CELF2: variants seen among roughly 807,000 people sequenced by gnomAD.
The protein encoded by CELF2 is CUGBP Elav-like family member 2, also known as CUG triplet repeat RNA-binding protein 2.
CELF2 carries 8 observed loss-of-function variants against 62.6 expected under a neutral mutation model. That is an observed-to-expected ratio of 0.13 (90% confidence interval 0.07 to 0.23). The LOEUF is 0.23. Among genes scored for constraint, CELF2 ranks in the 10% least tolerant of loss-of-function variants. CELF2 has a pLI of 1.00. For missense variants in CELF2, 333 were observed against 671.0 expected, an observed-to-expected ratio of 0.50 and a Z score of 5.56; for synonymous variants, 258 against 250.0, an observed-to-expected ratio of 1.03 and a Z score of -0.30.
At chr10:11,205,817 C>G (rs534676313) in intron 2 of CELF2, among the ~76,000 whole-genome samples, 1 of 152,164 alleles carries the variant, frequency 6.6e-6, no homozygotes, top group Non-Finnish European at 1.5e-5. Flanking sequence ...CAGCTATTGC[C>G]GGAGTGGGGT....
chr10:10,881,014 G>C (rs2093623), intron 1 of CELF2, among the ~76,000 whole-genome samples: 1 of 151,826 alleles, frequency 6.6e-6, no homozygotes, highest in Non-Finnish European at 1.5e-5. Context: ...CATGTCACAT[G>C]GAATTCCAGA....
intron 1 of CELF2, among the ~76,000 whole-genome samples, chr10:11,107,489 A>G (rs2053830906): frequency 6.6e-6 from 1 of 152,120 alleles, no homozygotes; most frequent in South Asian, 2.1e-4. Context: ...AGGAATGGCA[A>G]CATTGTCCAC....
intron 3 of CELF2, among the ~76,000 whole-genome samples, chr10:11,225,183 G>A (rs1056540530): frequency 6.6e-6 from 1 of 152,128 alleles, no homozygotes; most frequent in African/African-American, 2.4e-5. Context: ...AGAGATGAAA[G>A]AATAAACAGT....
the CELF2 span, among the ~76,000 whole-genome samples, chr10:10,678,352 A>C: frequency 6.6e-6 from 1 of 152,092 alleles, no homozygotes; most frequent in African/African-American, 2.4e-5. Flanking sequence ...CAGATTTGTC[A>C]GATAGTAAGC....
At chr10:11,105,699 C>G (rs924545100) in intron 1 of CELF2, among the ~76,000 whole-genome samples, 29 of 152,226 alleles carry the variant, frequency 1.9e-4, no homozygotes, top group African/African-American at 7.0e-4. Flanking sequence ...CCAGGTCATT[C>G]TGCAGCTGTG....
rs1428325309 is a variant in CELF2 at position 11,069,923 on chromosome 10, G to GAT, written c.74+51765_74+51766dup. ...ACCTAGAGTTAGCATTTGTAAGGTG[G>GAT]ATATATTCCAGCTTCATTCAGGACA... is the stretch of plus-strand genomic sequence containing the variant. On this transcript the variant is annotated intron_variant, in intron 1 of 12. Transcript: ENST00000633077. 8.5e-5 allele frequency among the ~76,000 whole-genome samples: 13 copies of GAT among 152,292 alleles called. No homozygotes were observed. In the East Asian group the frequency reaches 1.7e-3, roughly 20 times the overall value.
rs555649892 is a variant in CELF2, at chr10:10,901,525, A to G, written c.54-18439A>G. 4.4e-4 allele frequency among the ~76,000 whole-genome samples: 67 copies of G among 152,338 alleles called. 1 individual carries two copies. The highest frequency in any genetic ancestry group is 1.2e-3 in the Admixed American group (18 of 15,302). ...ATTTTAATATTAACTCACTATGGTCACAGACCTAACATAAGGCTTCACATT... is the reference window on the plus strand; with the variant it reads ...ATTTTAATATTAACTCACTATGGTCGCAGACCTAACATAAGGCTTCACATT... On this transcript the variant is annotated intron_variant, in intron 1 of 13. Transcript: ENST00000636488.
At chr10:11,009,011 G>GCT (rs1302624405) in intron 1 of CELF2, among the ~76,000 whole-genome samples, 37 of 143,820 alleles carry the variant, frequency 2.6e-4, no homozygotes, top group African/African-American at 9.3e-4. Context: ...TTTGCGGGGG[G>GCT]GGGGGGGGAG....
intron 5 of CELF2, among the ~76,000 whole-genome samples, chr10:11,259,215 G>GAC (rs2079716929): frequency 6.6e-6 from 1 of 152,202 alleles, no homozygotes; most frequent in South Asian, 2.1e-4. Flanking sequence ...AGTTTGACCT[G>GAC]ACTTCAGCAC....
Position 11,018,144 on chromosome 10 carries a change from C to G in CELF2, c.55C>G (p.Leu19Val), listed in dbSNP as rs1323284909. The G allele has an allele frequency of 6.6e-7, 1 of 1,523,442 alleles. No individual in the cohort carries two copies. The highest frequency in any genetic ancestry group is 8.8e-7 in the Non-Finnish European group (1 of 1,133,232). The allele number at this position is 1,523,442 out of a possible 1,614,324, so 94.4% of individuals were successfully genotyped here. ...CCCGGACATGATGGTCGAGGGCCGC[C>G]TGCTCGTTCCTGACAGAATGTGAGT... is the stretch of plus-strand genomic sequence containing the variant. ...FLPDMMVEGRLLVPDRINGTA... is the reference protein window; with the variant it reads ...FLPDMMVEGRVLVPDRINGTA... The change falls in exon 1 of 13, where the codon CTG (leucine) becomes GTG (valine). Residue 19 changes from leucine to valine, a missense_variant. Leu to Val is a conservative substitution (Grantham distance 32). Around this residue, in one of 3 missense-constraint regions of CELF2, gnomAD observed 45 missense variants for 39.8 expected, o/e 1.13. Transcript: ENST00000633077.
chr10:10,643,659 T>C, the CELF2 span, among the ~76,000 whole-genome samples: 1 of 152,222 alleles, frequency 6.6e-6, no homozygotes, highest in Non-Finnish European at 1.5e-5. Context: ...TCATTTATAA[T>C]GGAGGTTATA....
rs1216082824 is a variant in CELF2, at chr10:10,942,959, AG to A, written c.89+22964del. On this transcript the variant is annotated intron_variant, in intron 2 of 13. Transcript: ENST00000636488. ...CAAAAAGGAACCAGAGTTTAAGCCA[AG>A]GGGAAGCTCAGGGCAGGACCCACAA... Among the ~76,000 whole-genome samples, 13 of 152,332 alleles carry A rather than the reference AG, an allele frequency of 8.5e-5. No homozygotes were observed. In the East Asian group the frequency reaches 9.6e-4, roughly 11 times the overall value.
Position 11,224,689 on chromosome 10 carries a change from A to G in CELF2, c.354+7182A>G, listed in dbSNP as rs1176856801. Among the ~76,000 whole-genome samples the G allele has an allele frequency of 2.0e-5, 3 of 152,196 alleles. No homozygotes were observed. The highest frequency in any genetic ancestry group is 7.2e-5 in the African/African-American group (3 of 41,448). ...GTTTCCATGAGAACTCATCTCTGAG[A>G]ATATCATATCTGGCTGGACAGATCT... On this transcript the variant is annotated intron_variant, in intron 3 of 12. Transcript: ENST00000633077. This position sits in a 1 kb window ranked among gnomAD's most constrained non-coding sequence, Gnocchi z 4.5.
intron 2 of CELF2, among the ~76,000 whole-genome samples, chr10:10,968,725 T>G (rs1190768247): frequency 7.0e-6 from 1 of 142,910 alleles, no homozygotes; most frequent in Non-Finnish European, 1.5e-5. Context: ...CTAAAAGTGG[T>G]GAAAAGAAAA....
chr10:10,850,577 T>A (rs958769100), intron 1 of CELF2, among the ~76,000 whole-genome samples: 2 of 152,182 alleles, frequency 1.3e-5, no homozygotes, highest in African/African-American at 4.8e-5. Flanking sequence ...ATTATCAGAC[T>A]CTAGGAAGGA....
chr10:10,768,637 G>T, the CELF2 span, among the ~76,000 whole-genome samples: 1 of 149,050 alleles, frequency 6.7e-6, no homozygotes, highest in Non-Finnish European at 1.5e-5. Flanking sequence ...GCAGTGACAC[G>T]ATCTCAGCTC....
chr10:10,913,883 G>GAAGGAAGGAAGGAAGA (rs1243887148), intron 1 of CELF2, among the ~76,000 whole-genome samples: 1 of 120,484 alleles, frequency 8.3e-6, no homozygotes, highest in Non-Finnish European at 1.7e-5. Flanking sequence ...AGGAAGGAAG[G>GAAGGAAGGAAGGAAGA]AAGAAGGAAG....
intron 2 of CELF2, among the ~76,000 whole-genome samples, chr10:10,974,582 T>G (rs1278252765): frequency 6.6e-6 from 1 of 152,232 alleles, no homozygotes; most frequent in East Asian, 1.9e-4. Flanking sequence ...GGGATTAGAA[T>G]TTCAGGTTTT....
chr10:10,739,863 G>A, the CELF2 span, among the ~76,000 whole-genome samples: 116 of 152,160 alleles, frequency 7.6e-4, no homozygotes, highest in Middle Eastern at 3.4e-3. Flanking sequence ...GCACCTTTTC[G>A]AGACTGTTGG....
Sources: gnomAD v4.1 joint callset for allele counts (sites outside exome capture counted in the v4.1 genomes callset) on GRCh38, gnomAD v4.1.1 for gene constraint, gnomAD v4.1.1 regional missense constraint, Gnocchi (gnomAD v3.1) non-coding constraint, MANE v1.5 for transcripts, NCBI Gene and HGNC (gene_info 2026-07-23, HGNC 2026-07-21) for gene names.